The following XKR9 variants were observed in gnomAD, a reference collection of about 807,000 sequenced individuals.
The protein encoded by XKR9 is XK related 9, also known as XK-related protein 9.
XKR9 carries 32 observed loss-of-function variants against 32.0 expected under a neutral mutation model. The ratio of observed to expected loss-of-function variants is 1.00; its 90% CI spans 0.76 to 1.34. The LOEUF (loss-of-function observed/expected upper bound fraction) is 1.34. Ranked by LOEUF, XKR9 falls within the 40% of genes most tolerant of loss-of-function variation. XKR9 has a pLI of 0.00. For synonymous variants in XKR9, 168 were observed against 143.4 expected (o/e 1.17, Z -1.22); for missense variants, 546 against 429.7 (o/e 1.27, Z -2.39).
At chr8:70,731,480 C>A (rs533271003) in intron 4 of XKR9, among the ~76,000 whole-genome samples, 39 of 152,258 alleles carry the variant, frequency 2.6e-4, no homozygotes, top group Admixed American at 7.8e-4. Context: ...GAACCATAGA[C>A]AAAAGATTCT....
chr8:70,741,249 A>T (rs1455142934), intron 2 of XKR9, among the ~76,000 whole-genome samples: 1 of 152,170 alleles, frequency 6.6e-6, no homozygotes, highest in East Asian at 1.9e-4. Flanking sequence ...GTTCTCCATG[A>T]TGGGACTGGT....
At chr8:70,909,025 A>G in the XKR9 span, among the ~76,000 whole-genome samples, 2 of 152,124 alleles carry the variant, frequency 1.3e-5, no homozygotes, top group Non-Finnish European at 2.9e-5. Context: ...TTTATTTCCA[A>G]ATCCCTACCA....
At chr8:70,781,910 G>A (rs903048929) in intron 2 of XKR9, among the ~76,000 whole-genome samples, 9 of 152,174 alleles carry the variant, frequency 5.9e-5, no homozygotes, top group African/African-American at 2.2e-4. Flanking sequence ...TATAGCACTT[G>A]TGTTCTATGA....
At chr8:70,780,398 G>T (rs1271950841) in intron 2 of XKR9, among the ~76,000 whole-genome samples, 1 of 151,782 alleles carries the variant, frequency 6.6e-6, no homozygotes, top group Non-Finnish European at 1.5e-5. Context: ...CGTTGTTTTA[G>T]GTGGTCCCAC....
At chr8:70,722,094 A>G (rs1028886965) in intron 4 of XKR9, among the ~76,000 whole-genome samples, 24 of 150,176 alleles carry the variant, frequency 1.6e-4, no homozygotes, top group African/African-American at 5.6e-4. Flanking sequence ...TTTAAAGTCT[A>G]TTTTATCAGA....
At chr8:70,969,993 C>T in the XKR9 span, among the ~76,000 whole-genome samples, 7 of 152,216 alleles carry the variant, frequency 4.6e-5, no homozygotes, top group South Asian at 6.2e-4. Context: ...TGAGAACACA[C>T]GATGTTTGAT....
At chr8:70,795,551 TCAC>T in the XKR9 span, among the ~76,000 whole-genome samples, 2 of 152,204 alleles carry the variant, frequency 1.3e-5, no homozygotes, top group African/African-American at 4.8e-5. Flanking sequence ...CTTTGAGGAA[TCAC>T]CACAACGTCT....
the XKR9 span, among the ~76,000 whole-genome samples, chr8:71,047,330 C>T: frequency 6.6e-5 from 10 of 152,294 alleles, no homozygotes; most frequent in Admixed American, 6.5e-4. Context: ...TCACTTATTC[C>T]TTATTTGCAC....
At chr8:70,772,232 AC>A (rs1294305211) in intron 2 of XKR9, among the ~76,000 whole-genome samples, 1 of 152,222 alleles carries the variant, frequency 6.6e-6, no homozygotes, top group Non-Finnish European at 1.5e-5. Context: ...TAGCATGATA[AC>A]TGGAATGCTG....
chr8:70,999,958 T>C, the XKR9 span, among the ~76,000 whole-genome samples: 1 of 152,144 alleles, frequency 6.6e-6, no homozygotes, highest in African/African-American at 2.4e-5. Flanking sequence ...AAAATAGATA[T>C]CTTTTAAAAT....
the XKR9 span, among the ~76,000 whole-genome samples, chr8:70,824,737 G>A: frequency 2.0e-5 from 3 of 151,984 alleles, no homozygotes; most frequent in African/African-American, 7.2e-5. Context: ...ATTGGGAAGG[G>A]CAAAAAATAG....
the XKR9 span, among the ~76,000 whole-genome samples, chr8:71,050,276 TATAG>T: frequency 1.7e-5 from 1 of 59,878 alleles, no homozygotes; most frequent in African/African-American, 6.0e-5. Flanking sequence ...GATAGATAGA[TATAG>T]ATATAGATAT....
At chr8:70,736,296 C>T (rs1806860843), downstream of XKR9, among the ~76,000 whole-genome samples, 2 of 146,724 alleles carry the variant, frequency 1.4e-5, no homozygotes, top group African/African-American at 4.9e-5. Flanking sequence ...ATGTCCTTCG[C>T]CCACTTTTTG....
chr8:70,764,105 T>C (rs1272930405), intron 2 of XKR9, among the ~76,000 whole-genome samples: 1 of 152,196 alleles, frequency 6.6e-6, no homozygotes, highest in African/African-American at 2.4e-5. Flanking sequence ...ATAACCTATG[T>C]CATGACTGCT....
At chr8:70,951,011 C>T in the XKR9 span, among the ~76,000 whole-genome samples, 2 of 152,270 alleles carry the variant, frequency 1.3e-5, no homozygotes, top group South Asian at 4.1e-4. Context: ...CTCTTTCTCT[C>T]CGTAGACGTC....
At chr8:70,832,156 C>T in the XKR9 span, among the ~76,000 whole-genome samples, 2 of 152,094 alleles carry the variant, frequency 1.3e-5, no homozygotes, top group Non-Finnish European at 2.9e-5. Flanking sequence ...GAATACATTG[C>T]TCTACTCTTC....
chr8:70,764,350 T>C (rs1006283826), intron 2 of XKR9, among the ~76,000 whole-genome samples: 12 of 152,194 alleles, frequency 7.9e-5, no homozygotes, highest in South Asian at 6.2e-4. Flanking sequence ...TTTCATCTTA[T>C]ATAAAAGTTT....
At chr8:71,015,915 A>G in the XKR9 span, among the ~76,000 whole-genome samples, 1 of 152,180 alleles carries the variant, frequency 6.6e-6, no homozygotes, top group Admixed American at 6.5e-5. Flanking sequence ...ACATCTGTTT[A>G]CTATATAGAA....
At chr8:70,874,380 A>T in the XKR9 span, among the ~76,000 whole-genome samples, 1 of 152,216 alleles carries the variant, frequency 6.6e-6, no homozygotes, top group Admixed American at 6.6e-5. Flanking sequence ...ATCCCTATGA[A>T]GGAGGAAAGC....
Sources: allele counts gnomAD v4.1 joint callset (sites outside exome capture counted in the v4.1 genomes callset), GRCh38; gene constraint gnomAD v4.1.1; transcripts MANE v1.5; gene names NCBI Gene and HGNC (gene_info 2026-07-23, HGNC 2026-07-21).